Variants in PKP2 observed in about 807,000 individuals in gnomAD.
The protein encoded by PKP2 is plakophilin 2, also known as plakophilin-2.
PKP2 carries 73 observed loss-of-function variants against 83.4 expected under a neutral mutation model. That is an observed-to-expected ratio of 0.88 (90% CI 0.72 to 1.06). The LOEUF (loss-of-function observed/expected upper bound fraction) is 1.06, where lower values mean the gene tolerates loss of function less well. Among genes scored for constraint, PKP2 ranks in the 50% least tolerant of loss-of-function variants. PKP2 has a pLI of 0.00. For synonymous variants in PKP2, 409 were observed against 430.4 expected, an observed-to-expected ratio of 0.95 and a Z score of 0.62; for missense variants, 966 against 1,065.4, an observed-to-expected ratio of 0.91 and a Z score of 1.30.
At chr12:32,877,703 A>C in intron 3 of PKP2, 143 bp downstream of exon 3, 1 of 725,144 alleles carries the variant, frequency 1.4e-6, no homozygotes, top group Non-Finnish European at 2.5e-6. Flanking sequence ...TCAATTAGGC[A>C]GCTGCCTGAA....
At chr12:32,837,551 A>G (rs1956554425) in intron 6 of PKP2, among the ~76,000 whole-genome samples, 2 of 152,240 alleles carry the variant, frequency 1.3e-5, no homozygotes, top group African/African-American at 2.4e-5. Flanking sequence ...CATATACATT[A>G]TGGCACTCAC....
At chr12:32,842,925 G>A (rs1448896357) in intron 5 of PKP2, among the ~76,000 whole-genome samples, 4 of 151,768 alleles carry the variant, frequency 2.6e-5, no homozygotes, top group Non-Finnish European at 5.9e-5. Flanking sequence ...CGCCCACCTC[G>A]GCCTCCCAAA....
rs1388455996 is a variant in PKP2 at position 32,791,740 on chromosome 12, T to C, written c.*684A>G. On this transcript the variant is annotated 3_prime_UTR_variant, in exon 13 of 13. Transcript: ENST00000340811. ...TTATTTATTTATTTATTTTTTATTT[T>C]ACTTTAAGTTCTGGGAGGAAAAGAC... 1.3e-5 allele frequency: 2 copies of C among 152,200 alleles called. No individual in the cohort carries two copies. Among genetic ancestry groups the C allele is most frequent in the Non-Finnish European group, 2.9e-5 (2 of 68,042 alleles). The allele number at this position is 152,200 out of a possible 1,614,324, so 9.4% of individuals were successfully genotyped here. A position where few individuals can be genotyped will look rare whatever the true frequency, so the allele number is the denominator to read the frequency against.
chr12:32,833,302 T>A (rs1211370735), intron 6 of PKP2, among the ~76,000 whole-genome samples: 1 of 152,016 alleles, frequency 6.6e-6, no homozygotes, highest in Non-Finnish European at 1.5e-5. Context: ...ATCATGAAAA[T>A]GTAGATGCAG....
At chr12:32,857,740 GT>G (rs773340572) in intron 4 of PKP2, among the ~76,000 whole-genome samples, 23 of 151,832 alleles carry the variant, frequency 1.5e-4, no homozygotes, top group Non-Finnish European at 2.6e-4. Flanking sequence ...ACCAGTCTTT[GT>G]TCTACCTTTA....
At chr12:32,849,183 CT>C (rs57587193) in intron 5 of PKP2, among the ~76,000 whole-genome samples, 10,345 of 152,060 alleles carry the variant, frequency 0.068, 1,236 homozygotes, top group African/African-American at 0.24. Flanking sequence ...CAAAAATTTA[CT>C]GATGATTGCA....
chr12:32,792,689 C>T lies in PKP2; in HGVS notation c.2400G>A (p.Leu800=), dbSNP rs1221089919. The T allele has an allele frequency of 1.2e-6, 2 of 1,614,096 alleles. No homozygotes were observed. The highest frequency in any genetic ancestry group is 1.1e-5 in the South Asian group (1 of 91,072). ...GTTCCGTGTGTGCCCACAGAGAATA[C>T]AGAAGGACGGAAGCAGCTTTACTTG... ...NKASKAASVL[L]YSLWAHTELH... The change falls in exon 12 of 13, where the codon CTG becomes CTA. Residue 800 remains leucine (L), a synonymous_variant. Transcript: ENST00000340811.
intron 9 of PKP2, among the ~76,000 whole-genome samples, chr12:32,813,290 A>G (rs1956293019): frequency 6.6e-6 from 1 of 152,204 alleles, no homozygotes; most frequent in Admixed American, 6.5e-5. Flanking sequence ...TAGGAACAGG[A>G]TTATCAGATC....
chr12:32,802,500 G>A lies in PKP2; in HGVS notation c.2070C>T (p.Thr690=). Residue 690 remains threonine, a synonymous_variant, in exon 10 of 13, where the codon ACC becomes ACT. Transcript: ENST00000340811. ...VVQKESGLQH[T]RKMLHVGDPS... is the part of the protein sequence containing the mutation. ...GGTCACCAACATGCAGCATCTTTCG[G>A]GTGTGCTGCAGGCCACTTTCCTTCT... 1 of 1,613,480 alleles carries A rather than the reference G, an allele frequency of 6.2e-7. No individual in the cohort carries two copies. Among genetic ancestry groups the A allele is most frequent in the Non-Finnish European group, 8.5e-7 (1 of 1,179,448 alleles).
intron 12 of PKP2, 60 bp downstream of exon 12, chr12:32,792,584 A>AAG: frequency 6.4e-7 from 1 of 1,551,802 alleles, no homozygotes; most frequent in East Asian, 2.2e-5. Flanking sequence ...GGGTCAAGTC[A>AAG]AGTGGGCCAT....
intron 3 of PKP2, among the ~76,000 whole-genome samples, chr12:32,871,859 A>T (rs77107490): frequency 0.016 from 2,447 of 152,210 alleles, 30 homozygotes; most frequent in Non-Finnish European, 0.026. Context: ...CTCAGCTCAA[A>T]TATCTTCATT....
At chr12:32,896,022 G>A (rs1280646401) in intron 1 of PKP2, among the ~76,000 whole-genome samples, 1 of 152,238 alleles carries the variant, frequency 6.6e-6, no homozygotes, top group African/African-American at 2.4e-5. Context: ...CCAATTTATA[G>A]GTTGTAGGAG....
intron 6 of PKP2, among the ~76,000 whole-genome samples, chr12:32,835,026 T>A (rs969299044): frequency 7.1e-6 from 1 of 139,960 alleles, no homozygotes; most frequent in African/African-American, 2.6e-5. Context: ...TAGGAGGGTA[T>A]GGAATCAAAG....
At chr12:32,864,333 CACACAT>C (rs201387255) in intron 4 of PKP2, among the ~76,000 whole-genome samples, 2 of 145,786 alleles carry the variant, frequency 1.4e-5, no homozygotes, top group Admixed American at 6.7e-5. Context: ...CACACACACA[CACACAT>C]ACACACGTAA....
chr12:32,843,433 T>A (rs1956619011), intron 5 of PKP2: 1 of 670,020 alleles, frequency 1.5e-6, no homozygotes, highest in Admixed American at 1.9e-5. Flanking sequence ...TAAGAGCCTG[T>A]ATAGTTAAAG....
At chr12:32,872,095 C>T (rs1301753098) in intron 3 of PKP2, among the ~76,000 whole-genome samples, 3 of 152,130 alleles carry the variant, frequency 2.0e-5, no homozygotes, top group Non-Finnish European at 4.4e-5. Flanking sequence ...GTTCCCTAGC[C>T]CCACTGACCC....
At chr12:32,854,601 T>C (rs1956728775) in intron 4 of PKP2, among the ~76,000 whole-genome samples, 1 of 152,214 alleles carries the variant, frequency 6.6e-6, no homozygotes, top group Admixed American at 6.5e-5. Flanking sequence ...GGAGGTTTGA[T>C]GAGTTTCCCA....
chr12:32,814,989 T>C (rs1489138272), intron 9 of PKP2, among the ~76,000 whole-genome samples: 1 of 152,100 alleles, frequency 6.6e-6, no homozygotes, highest in Non-Finnish European at 1.5e-5. Context: ...CTCTCACCCA[T>C]CAAAACTGCA....
intron 7 of PKP2, among the ~76,000 whole-genome samples, chr12:32,823,197 T>C (rs1288482558): frequency 6.6e-6 from 1 of 152,090 alleles, no homozygotes; most frequent in African/African-American, 2.4e-5. Flanking sequence ...ATGGATCACC[T>C]GAGGTCAGGA....
Sources: allele counts gnomAD v4.1 joint callset (sites outside exome capture counted in the v4.1 genomes callset), GRCh38; gene constraint gnomAD v4.1.1; transcripts MANE v1.5; gene names NCBI Gene and HGNC (gene_info 2026-07-23, HGNC 2026-07-21).